Variants in LOC400499 observed in about 807,000 individuals in gnomAD.
At chr16:11,514,656 C>G in the LOC400499 span, 3 of 398,054 alleles carry the variant, frequency 7.5e-6, no homozygotes, top group African/African-American at 4.1e-5. Context: ...CCCCCCATTC[C>G]CCACTCAGCG....
chr16:11,406,462 C>G, the LOC400499 span, among the ~76,000 whole-genome samples: 1 of 152,200 alleles, frequency 6.6e-6, no homozygotes, highest in Non-Finnish European at 1.5e-5. Flanking sequence ...GATGGAGTTT[C>G]ACTCTTGTCA....
chr16:11,491,116 G>A, the LOC400499 span, among the ~76,000 whole-genome samples: 3 of 151,844 alleles, frequency 2.0e-5, no homozygotes, highest in Non-Finnish European at 4.4e-5. Context: ...AGAAATGGAG[G>A]CTCACAAAGG....
the LOC400499 span, chr16:11,448,016 G>A: frequency 1.3e-5 from 20 of 1,536,030 alleles, no homozygotes; most frequent in East Asian, 1.2e-4. Flanking sequence ...TGCAGGCCCC[G>A]AGGCTGGCCC....
chr16:11,507,061 A>C, the LOC400499 span, among the ~76,000 whole-genome samples: 1 of 152,182 alleles, frequency 6.6e-6, no homozygotes, highest in Non-Finnish European at 1.5e-5. Context: ...GCCAGCGTCC[A>C]AAAGTGGAGA....
At chr16:11,505,218 C>T in the LOC400499 span, among the ~76,000 whole-genome samples, 1 of 151,620 alleles carries the variant, frequency 6.6e-6, no homozygotes, top group South Asian at 2.1e-4. Context: ...CCACCATGGT[C>T]GATTTCAAGC....
the LOC400499 span, among the ~76,000 whole-genome samples, chr16:11,499,700 C>G: frequency 7.9e-5 from 12 of 152,266 alleles, no homozygotes; most frequent in African/African-American, 2.6e-4. Context: ...ATGCAGGGGT[C>G]TCTGATGCCC....
At chr16:11,424,700 G>A in the LOC400499 span, among the ~76,000 whole-genome samples, 1 of 152,148 alleles carries the variant, frequency 6.6e-6, no homozygotes, top group East Asian at 1.9e-4. Context: ...TCCCTTCGCT[G>A]CTGCACCTGG....
At chr16:11,414,551 C>G in the LOC400499 span, 3 of 399,482 alleles carry the variant, frequency 7.5e-6, no homozygotes, top group Non-Finnish European at 1.3e-5. Flanking sequence ...ACAGCTTCAC[C>G]TCCCTTCCCA....
the LOC400499 span, chr16:11,491,596 G>A: frequency 1.1e-5 from 4 of 380,684 alleles, no homozygotes; most frequent in African/African-American, 8.3e-5. Flanking sequence ...GAATACCAAA[G>A]GGGTGGAGGG....
the LOC400499 span, among the ~76,000 whole-genome samples, chr16:11,520,610 T>C: frequency 6.3e-4 from 85 of 135,680 alleles, no homozygotes; most frequent in Admixed American, 2.3e-3. Context: ...GAGATTGCAA[T>C]GAGCTGAGAT....
At chr16:11,495,209 CAA>C in the LOC400499 span, among the ~76,000 whole-genome samples, 165 of 141,196 alleles carry the variant, frequency 1.2e-3, no homozygotes, top group Middle Eastern at 3.6e-3. Context: ...ACTCTGTCTC[CAA>C]AAAAAAAAAA....
chr16:11,525,203 C>A, the LOC400499 span, among the ~76,000 whole-genome samples: 1 of 151,196 alleles, frequency 6.6e-6, no homozygotes, highest in Non-Finnish European at 1.5e-5. Context: ...TTGCTTGAGC[C>A]GACAGGTGGA....
chr16:11,506,725 T>C, the LOC400499 span, among the ~76,000 whole-genome samples: 42 of 152,172 alleles, frequency 2.8e-4, no homozygotes, highest in African/African-American at 9.9e-4. Context: ...GGGGTTTGCT[T>C]TCTATTGAGC....
chr16:11,487,942 C>T, the LOC400499 span, among the ~76,000 whole-genome samples: 1 of 151,966 alleles, frequency 6.6e-6, no homozygotes, highest in Non-Finnish European at 1.5e-5. Flanking sequence ...GGTGAAACCC[C>T]ATCTCCACTA....
At chr16:11,411,148 G>T in the LOC400499 span, 2 of 398,520 alleles carry the variant, frequency 5.0e-6, no homozygotes, top group Non-Finnish European at 8.8e-6. Context: ...GTGAACAGAT[G>T]TGCATGTATT....
chr16:11,381,124 C>G, the LOC400499 span: 3 of 152,204 alleles, frequency 2.0e-5, no homozygotes, highest in African/African-American at 7.2e-5. Context: ...CTTTATGCTG[C>G]TGAGTCCTTG....
the LOC400499 span, among the ~76,000 whole-genome samples, chr16:11,513,760 A>G: frequency 6.6e-6 from 1 of 152,134 alleles, no homozygotes; most frequent in African/African-American, 2.4e-5. Context: ...AACTAATTTT[A>G]CCTTCCTAAT....
the LOC400499 span, among the ~76,000 whole-genome samples, chr16:11,375,600 A>C: frequency 6.6e-6 from 1 of 152,020 alleles, no homozygotes; most frequent in South Asian, 2.1e-4. Context: ...GGCGTGAGCC[A>C]CTGTGCCTGG....
chr16:11,379,567 G>C, the LOC400499 span, among the ~76,000 whole-genome samples: 9 of 152,188 alleles, frequency 5.9e-5, no homozygotes, highest in African/African-American at 2.2e-4. Flanking sequence ...TTATCATTCT[G>C]ATGCAACTGA....
Sources: gnomAD v4.1 joint callset for allele counts (sites outside exome capture counted in the v4.1 genomes callset) on GRCh38, gnomAD v4.1.1 for gene constraint, MANE v1.5 for transcripts.